DPP8: variants seen among roughly 807,000 people sequenced by gnomAD.
DPP8 encodes dipeptidyl peptidase 8, also known as DPP VIII.
In DPP8, 31 loss-of-function variants were observed where a neutral mutation model predicts 107.5. The observed-to-expected ratio is 0.29, with a 90% CI of 0.22 to 0.39. The LOEUF (loss-of-function observed/expected upper bound fraction) is 0.39. Among genes scored for constraint, DPP8 ranks in the 10% least tolerant of loss-of-function variants. The probability of loss-of-function intolerance (pLI) is 1.00; values close to 1 mark genes in which losing one functional copy is unlikely to be tolerated. For synonymous variants in DPP8, 381 were observed against 356.6 expected (o/e 1.07, Z -0.77); for missense variants, 842 against 1,076.1 (o/e 0.78, Z 3.04).
intron 1 of DPP8, among the ~76,000 whole-genome samples, chr15:65,513,791 T>C (rs983735580): frequency 1.3e-5 from 2 of 152,214 alleles, no homozygotes; most frequent in African/African-American, 4.8e-5. Flanking sequence ...TCCTTTATCT[T>C]TTCCAACATT....
chr15:65,474,845 G>T (rs1567193887), intron 11 of DPP8, among the ~76,000 whole-genome samples: 1 of 152,154 alleles, frequency 6.6e-6, no homozygotes, highest in East Asian at 1.9e-4. Context: ...TCCAAGTTAT[G>T]AGTCTTTACA....
rs1286056906 is a variant in DPP8 at position 65,443,605 on chromosome 15, T to C, written c.*3279A>G. 2 of 152,140 alleles carry C rather than the reference T, an allele frequency of 1.3e-5. No homozygotes were observed. Among genetic ancestry groups the C allele is most frequent in the Non-Finnish European group, 1.5e-5 (1 of 68,030 alleles). 9.4% of individuals were successfully genotyped at this position (152,140 alleles called of 1,614,324 possible). A position where few individuals can be genotyped will look rare whatever the true frequency, so the allele number is the denominator to read the frequency against. ...CTTTGGAAAAGAACCAGGAATGGCA[T>C]AGAGAGAAAAACTTTCATTCCAAAA... On this transcript the variant is annotated 3_prime_UTR_variant, in exon 20 of 20. Transcript: ENST00000300141.
rs775386878 is a variant in DPP8, at chr15:65,487,680, A to G, written c.955+10T>C. On this transcript the variant is annotated intron_variant, in intron 7 of 19. Transcript: ENST00000300141. ...AATGAGTGAATATAAATGCCAATGG[A>G]GTACAGTACCTGTTTTAGGATAACG... 7 of 1,601,110 alleles carry G rather than the reference A, an allele frequency of 4.4e-6. No homozygotes were observed. The highest frequency in any genetic ancestry group is 1.8e-5 in the Admixed American group (1 of 57,008).
chr15:65,481,131 A>C (rs1418727184), intron 9 of DPP8, among the ~76,000 whole-genome samples: 2 of 152,116 alleles, frequency 1.3e-5, no homozygotes, highest in Non-Finnish European at 2.9e-5. Context: ...AACAAATGCC[A>C]GTCTTGTGAA....
intron 3 of DPP8, among the ~76,000 whole-genome samples, chr15:65,501,797 T>C (rs2069265941): frequency 6.6e-6 from 1 of 152,224 alleles, no homozygotes; most frequent in Admixed American, 6.6e-5. Flanking sequence ...GAAGAATGTT[T>C]TTCTTTCTAC....
Position 65,443,291 on chromosome 15 carries a change from G to A in DPP8, c.*3593C>T, listed in dbSNP as rs1259065239. 1 of 152,078 alleles carries A rather than the reference G, an allele frequency of 6.6e-6. No individual in the cohort carries two copies. The highest frequency in any genetic ancestry group is 2.4e-5 in the African/African-American group (1 of 41,406). 9.4% of individuals were successfully genotyped at this position (152,078 alleles called of 1,614,324 possible). ...GGATACTAACTGGCTGTGTGGTCGT[G>A]GGTATATTTCCTCCTCTCTCTCTAG... On this transcript the variant is annotated 3_prime_UTR_variant, in exon 20 of 20. Coordinates refer to ENST00000300141, the MANE Select transcript of DPP8 (RefSeq NM_130434.5).
intron 5 of DPP8, among the ~76,000 whole-genome samples, chr15:65,492,767 T>A (rs572399023): frequency 1.8e-4 from 27 of 152,062 alleles, no homozygotes; most frequent in Middle Eastern, 3.4e-3. Context: ...GCTAATTTTT[T>A]AAAAAATTTT....
At chr15:65,516,864 G>A (rs898900536) in intron 1 of DPP8, 2 of 152,382 alleles carry the variant, frequency 1.3e-5, no homozygotes, top group Admixed American at 6.5e-5. Context: ...AACAAGAGGA[G>A]AGGCATAGCA....
At chr15:65,459,861 A>T (rs1216864138) in intron 15 of DPP8, among the ~76,000 whole-genome samples, 1 of 152,204 alleles carries the variant, frequency 6.6e-6, no homozygotes, top group East Asian at 1.9e-4. Flanking sequence ...AGGCTGAGGC[A>T]AAAGAATTGC....
intron 19 of DPP8, among the ~76,000 whole-genome samples, chr15:65,448,473 C>A (rs1473408300): frequency 1.3e-5 from 2 of 151,000 alleles, no homozygotes; most frequent in Non-Finnish European, 2.9e-5. Flanking sequence ...AAGATCGAGA[C>A]CATCCTGGCT....
intron 12 of DPP8, 143 bp downstream of exon 12, chr15:65,474,066 T>C (rs2066162315): frequency 4.8e-6 from 3 of 629,718 alleles, no homozygotes; most frequent in South Asian, 3.7e-5. Flanking sequence ...ATCACCCCAT[T>C]GCACTCCAGC....
chr15:65,493,811 C>A (rs770454823), intron 5 of DPP8, among the ~76,000 whole-genome samples: 32 of 152,076 alleles, frequency 2.1e-4, no homozygotes, highest in Admixed American at 1.0e-3. Context: ...TATCACCAGG[C>A]AAAGAATAAA....
intron 15 of DPP8, among the ~76,000 whole-genome samples, chr15:65,458,220 A>T (rs2064604492): frequency 6.6e-6 from 1 of 152,166 alleles, no homozygotes; most frequent in Admixed American, 6.6e-5. Flanking sequence ...TTTGCAGAAC[A>T]GTGTCTGGCA....
intron 2 of DPP8, among the ~76,000 whole-genome samples, chr15:65,509,691 A>G (rs573159040): frequency 7.2e-5 from 11 of 152,336 alleles, no homozygotes; most frequent in Admixed American, 5.2e-4. Context: ...CACGTTTGGA[A>G]TAAGGGCTCT....
rs2066278531 is a variant in DPP8, at chr15:65,475,280, A to C, written c.1457-992T>G. 6 of 646,658 alleles carry C rather than the reference A, an allele frequency of 9.3e-6. No homozygotes were observed. The South Asian group carries it at 9.9e-5, about 11-fold the overall frequency. 40.1% of individuals were successfully genotyped at this position (646,658 alleles called of 1,614,324 possible). ...ACAGAGAGAGGCTAGAGAGACCCAA[A>C]TACCTCTATTCCACCCCAGTGGTAG... On this transcript the variant is annotated intron_variant, in intron 11 of 19. Transcript: ENST00000300141.
chr15:65,456,096 TC>T lies in DPP8; in HGVS notation c.2118+128del, dbSNP rs2064391485. 4 of 1,128,210 alleles carry T rather than the reference TC, an allele frequency of 3.5e-6. No homozygotes were observed. In the East Asian group the frequency reaches 7.7e-5, roughly 22 times the overall value. 69.9% of individuals were successfully genotyped at this position (1,128,210 alleles called of 1,614,324 possible). A position where few individuals can be genotyped will look rare whatever the true frequency, so the allele number is the denominator to read the frequency against. Reference sequence around the variant, plus strand: ...TGCATCTTCTCTCCCACCCCCAAACTCTAACACATACACTCTCACTCACTCA... The same window carrying T: ...TGCATCTTCTCTCCCACCCCCAAACTTAACACATACACTCTCACTCACTCA... On this transcript the variant is annotated intron_variant, in intron 16 of 19. Transcript: ENST00000300141.
At chr15:65,460,732 T>G (rs2064846193) in intron 15 of DPP8, among the ~76,000 whole-genome samples, 1 of 152,262 alleles carries the variant, frequency 6.6e-6, no homozygotes, top group South Asian at 2.1e-4. Flanking sequence ...TCCATTCATC[T>G]GTTGATGGAC....
chr15:65,480,549 G>C (rs943953937), intron 9 of DPP8, 150 bp from the exon 10 acceptor site: 1 of 522,118 alleles, frequency 1.9e-6, no homozygotes, highest in Admixed American at 3.4e-5. Context: ...CTTACAAATA[G>C]TTAATTAAAA....
intron 5 of DPP8, among the ~76,000 whole-genome samples, 176 bp from the exon 6 acceptor site, chr15:65,490,475 C>T (rs1174522074): frequency 6.6e-6 from 1 of 152,178 alleles, no homozygotes; most frequent in Non-Finnish European, 1.5e-5. Flanking sequence ...ATCATCCAAT[C>T]TCATTCCACT....
Sources: gnomAD v4.1 joint callset for allele counts (sites outside exome capture counted in the v4.1 genomes callset) on GRCh38, gnomAD v4.1.1 for gene constraint, MANE v1.5 for transcripts, NCBI Gene and HGNC (gene_info 2026-07-23, HGNC 2026-07-21) for gene names.